Variants in DDX31 observed in about 807,000 individuals in gnomAD.
DDX31 encodes the protein DEAD-box helicase 31.
A neutral mutation model predicts 91.3 loss-of-function variants in DDX31; 70 were observed. The ratio of observed to expected loss-of-function variants is 0.77; its 90% CI spans 0.63 to 0.94. DDX31 has a LOEUF of 0.94. Ranked by LOEUF, DDX31 falls within the 40% of genes least tolerant of loss-of-function variation. The pLI, the probability that DDX31 is intolerant of heterozygous loss-of-function variation, is 0.00. For missense variants in DDX31, 902 were observed against 925.0 expected (o/e 0.98, Z 0.32); for synonymous variants, 362 against 350.6 (o/e 1.03, Z -0.36).
intron 19 of DDX31, among the ~76,000 whole-genome samples, chr9:132,599,665 T>C (rs780346554): frequency 6.6e-6 from 1 of 152,272 alleles, no homozygotes; most frequent in African/African-American, 2.4e-5. Context: ...GAAACCTGTC[T>C]GCCTTTTGGC....
chr9:132,642,129 T>C, intron 13 of DDX31, 66 bp from the exon 14 acceptor site: 1 of 1,374,486 alleles, frequency 7.3e-7, no homozygotes. Context: ...TAGGCTTACA[T>C]CTCCCTAGCT....
intron 17 of DDX31, among the ~76,000 whole-genome samples, chr9:132,623,129 C>CA (rs550048581): frequency 0.046 from 5,495 of 119,434 alleles, 105 homozygotes; most frequent in Non-Finnish European, 0.053. Flanking sequence ...GACTCCATCT[C>CA]AAAAAAAAAA....
chr9:132,643,674 T>C (rs1313349257), intron 13 of DDX31, among the ~76,000 whole-genome samples: 1 of 152,112 alleles, frequency 6.6e-6, no homozygotes, highest in Non-Finnish European at 1.5e-5. Context: ...GTTAAGGAAC[T>C]TGCCCAAAGG....
At chr9:132,659,905 T>C in intron 4 of DDX31, 125 bp from the exon 5 acceptor site, 1 of 770,546 alleles carries the variant, frequency 1.3e-6, no homozygotes, top group Admixed American at 2.4e-5. Flanking sequence ...TTAGAAGCTA[T>C]CAAAGCATTC....
At chr9:132,611,964 G>C (rs962041837) in intron 19 of DDX31, 123 bp downstream of exon 19, 7 of 1,347,768 alleles carry the variant, frequency 5.2e-6, no homozygotes, top group Non-Finnish European at 7.0e-6. Flanking sequence ...CCAAGTGCTT[G>C]TTTATTGGGA....
chr9:132,621,906 A>G (rs1416710246), intron 17 of DDX31, among the ~76,000 whole-genome samples: 1 of 152,068 alleles, frequency 6.6e-6, no homozygotes, highest in African/African-American at 2.4e-5. Flanking sequence ...GTCTTCACCA[A>G]CATGACACCT....
At chr9:132,640,471 A>G (rs959029321) in intron 14 of DDX31, among the ~76,000 whole-genome samples, 3 of 152,274 alleles carry the variant, frequency 2.0e-5, no homozygotes, top group Non-Finnish European at 4.4e-5. Flanking sequence ...GTTAGATATA[A>G]TAAGGATTTT....
In DDX31 at chr9:132,609,546, G is replaced by T. The variant is rs367582129; in HGVS notation, c.1994+2541C>A. 1.6e-4 allele frequency among the ~76,000 whole-genome samples: 24 copies of T among 152,298 alleles called. 1 individual carries two copies. Among genetic ancestry groups the T allele is most frequent in the South Asian group, 1.4e-3 (7 of 4,828 alleles). On this transcript the variant is annotated intron_variant, in intron 19 of 19. Transcript: ENST00000372159. ...GCTAATGAAATCTCCAGTCATAAAG[G>T]GAGATCATCTGCTAACTATGAAATC...
At chr9:132,644,918 G>T (rs1041250957) in intron 13 of DDX31, among the ~76,000 whole-genome samples, 4 of 152,166 alleles carry the variant, frequency 2.6e-5, no homozygotes, top group African/African-American at 9.7e-5. Context: ...GAGTGACCTT[G>T]AACAAGTTCG....
chr9:132,662,630 G>C lies in DDX31; in HGVS notation c.141C>G (p.Asn47Lys), dbSNP rs71503153. 232 of 1,614,128 alleles carry C rather than the reference G, an allele frequency of 1.4e-4. 1 individual carries two copies. In the East Asian group the frequency reaches 2.2e-3, roughly 15 times the overall value. The change falls in exon 2 of 20, where the codon AAC becomes AAG. Residue 47 changes from asparagine to lysine, a missense_variant. By Grantham distance (94) the Asn-to-Lys change is moderately conservative (BLOSUM62 0). Transcript: ENST00000372159. ...TCTTGGCTGGGAGAAATGAAGTTTCGTTCCTCCGTTTCGCTGGGGGAGCCT... is the reference window on the plus strand; with the variant it reads ...TCTTGGCTGGGAGAAATGAAGTTTCCTTCCTCCGTTTCGCTGGGGGAGCCT... ...SSEAPPAKRR[N>K]ETSFLPAKKT...
chr9:132,612,202 T>C lies in DDX31; in HGVS notation c.1879A>G (p.Ile627Val), dbSNP rs1338866191. 5.6e-6 allele frequency: 9 copies of C among 1,614,052 alleles called. No individual in the cohort carries two copies. The highest frequency in any genetic ancestry group is 5.1e-6 in the Non-Finnish European group (6 of 1,180,032). The part of the protein sequence containing the change: ...YATYPRELKH[I>V]FHVRSLHLGH... ...AGGTGGAGGGATCGGACGTGGAAGATGTGCTTCAGCTCCCTGGGGTAGGTG... is the reference window on the plus strand; with the variant it reads ...AGGTGGAGGGATCGGACGTGGAAGACGTGCTTCAGCTCCCTGGGGTAGGTG... Residue 627 changes from isoleucine (I) to valine (V), a missense_variant, in exon 19 of 20, where the codon ATC becomes GTC. Physicochemically the swap from Ile to Val is conservative, Grantham distance 29. Coordinates refer to ENST00000372159, the MANE Select transcript of DDX31 (RefSeq NM_022779.9).
chr9:132,643,282 G>A (rs1049725162), intron 13 of DDX31, among the ~76,000 whole-genome samples: 8 of 152,202 alleles, frequency 5.3e-5, no homozygotes, highest in East Asian at 1.9e-4. Context: ...CTGAAACGGC[G>A]CATTCTGAGT....
At chr9:132,631,852 C>T (rs1299221075) in intron 15 of DDX31, among the ~76,000 whole-genome samples, 189 bp downstream of exon 15, 1 of 152,158 alleles carries the variant, frequency 6.6e-6, no homozygotes, top group Non-Finnish European at 1.5e-5. Context: ...GGCTGTTTTG[C>T]TGCAGTGGTG....
chr9:132,660,132 T>TCA (rs1834841451), intron 4 of DDX31, among the ~76,000 whole-genome samples: 1 of 151,768 alleles, frequency 6.6e-6, no homozygotes, highest in Non-Finnish European at 1.5e-5. Context: ...GGTAAGGAGT[T>TCA]TGACCAGCCT....
At chr9:132,632,287 C>CACACACACACACACACACACAG (rs1832833374) in intron 14 of DDX31, among the ~76,000 whole-genome samples, 196 bp from the exon 15 acceptor site, 1 of 131,950 alleles carries the variant, frequency 7.6e-6, no homozygotes, top group Non-Finnish European at 1.6e-5. Context: ...CACACACACA[C>CACACACACACACACACACACAG]ACACACACAC....
chr9:132,607,923 C>T lies in DDX31; in HGVS notation c.1994+4164G>A, dbSNP rs546053887. Among the ~76,000 whole-genome samples the T allele has an allele frequency of 2.9e-4, 44 of 152,280 alleles. 1 individual carries two copies. In the South Asian group the frequency reaches 6.0e-3, roughly 21 times the overall value. On this transcript the variant is annotated intron_variant, in intron 19 of 19. Coordinates refer to ENST00000372159, the MANE Select transcript of DDX31 (RefSeq NM_022779.9). ...GAGAGAGAATCGTGGCCCTATTGAG[C>T]GTGCCTGCTCACTGTTCTGACACGT...
chr9:132,599,385 G>A (rs1830606701), intron 19 of DDX31, among the ~76,000 whole-genome samples: 1 of 152,130 alleles, frequency 6.6e-6, no homozygotes, highest in Non-Finnish European at 1.5e-5. Context: ...GCAAGTTCCT[G>A]GCATAAAATG....
intron 17 of DDX31, among the ~76,000 whole-genome samples, chr9:132,622,369 G>A (rs1360536960): frequency 1.3e-5 from 2 of 149,542 alleles, no homozygotes; most frequent in African/African-American, 2.4e-5. Flanking sequence ...AAGTCTTAAG[G>A]AGAAGAATTT....
chr9:132,604,316 C>T (rs1830886852), intron 19 of DDX31, among the ~76,000 whole-genome samples: 1 of 152,140 alleles, frequency 6.6e-6, no homozygotes, highest in African/African-American at 2.4e-5. Context: ...TTGCTCCAGG[C>T]TGGACAAGAG....
Sources: allele counts gnomAD v4.1 joint callset (sites outside exome capture counted in the v4.1 genomes callset), GRCh38; gene constraint gnomAD v4.1.1; transcripts MANE v1.5; gene names NCBI Gene and HGNC (gene_info 2026-07-23, HGNC 2026-07-21).